The following MTOR variants were observed in gnomAD, a reference collection of about 807,000 sequenced individuals.
MTOR encodes serine/threonine-protein kinase mTOR.
Under a neutral mutation model 319.8 loss-of-function variants are expected in MTOR, and 70 were observed. The observed-to-expected ratio is 0.22, with a 90% CI of 0.18 to 0.27. MTOR has a LOEUF of 0.27. Ranked by LOEUF, MTOR falls within the 10% of genes least tolerant of loss-of-function variation. The probability of loss-of-function intolerance (pLI) is 1.00; values close to 1 mark genes in which losing one functional copy is unlikely to be tolerated. For synonymous variants in MTOR, 1,183 were observed against 1,211.4 expected (o/e 0.98, Z 0.49); for missense variants, 1,890 against 3,274.4 (o/e 0.58, Z 10.32).
rs1381330438 is a variant in MTOR at position 11,238,061 on chromosome 1, T to C, written c.2003-13A>G. ...CGAATGTCAGGGTCTGCAAGAGCAA[T>C]GGAGCCTTTGAACATTTCCTCATGA... On this transcript the variant is annotated splice_polypyrimidine_tract_variant and intron_variant, in intron 12 of 57. Coordinates refer to ENST00000361445, the MANE Select transcript of MTOR (RefSeq NM_004958.4). 1 of 1,613,660 alleles carries C rather than the reference T, an allele frequency of 6.2e-7. No homozygotes were observed. The highest frequency in any genetic ancestry group is 8.5e-7 in the Non-Finnish European group (1 of 1,179,754).
chr1:11,237,914 A>G lies in MTOR; in HGVS notation c.2137T>C (p.Cys713Arg), dbSNP rs777205969. Residue 713 changes from cysteine (C) to arginine (R), a missense_variant, in exon 13 of 58, where the codon TGC becomes CGC. This residue lies in a region of MTOR where 377 missense variants were observed against 653.9 expected (regional missense o/e 0.58). Transcript: ENST00000361445. ...QVFEIRELAI[C>R]TVGRLSSMNP... ...ATGCTACTGAGTCGGCCCACAGTGC[A>G]GATGGCCAGCTCCCGGATCTCAAAC... 6.2e-7 allele frequency: 1 copy of G among 1,614,198 alleles called. No homozygotes were observed. Among genetic ancestry groups the G allele is most frequent in the East Asian group, 2.2e-5 (1 of 44,876 alleles).
rs1233634233 is a variant in MTOR at position 11,106,590 on chromosome 1, G to A, written c.*895C>T. On this transcript the variant is annotated 3_prime_UTR_variant, in exon 58 of 58. Coordinates refer to ENST00000361445, the MANE Select transcript of MTOR (RefSeq NM_004958.4). ...CACAAAAATTATTCTGATACAACATGGTGTCTAGACATGGCTACACTTTAT... is the reference window on the plus strand; with the variant it reads ...CACAAAAATTATTCTGATACAACATAGTGTCTAGACATGGCTACACTTTAT... 6.5e-6 allele frequency: 7 copies of A among 1,072,414 alleles called. No individual in the cohort carries two copies. Among genetic ancestry groups the A allele is most frequent in the Non-Finnish European group, 7.9e-6 (7 of 883,190 alleles). 66.4% of individuals were successfully genotyped at this position (1,072,414 alleles called of 1,614,324 possible).
Position 11,212,580 on chromosome 1 carries a change from G to T in MTOR, c.3399-106C>A. The T allele has an allele frequency of 1.5e-6, 2 of 1,354,328 alleles. No homozygotes were observed. Among genetic ancestry groups the T allele is most frequent in the Non-Finnish European group, 2.0e-6 (2 of 988,118 alleles). 83.9% of individuals were successfully genotyped at this position (1,354,328 alleles called of 1,614,324 possible). On this transcript the variant is annotated intron_variant, in intron 22 of 57. Transcript: ENST00000361445. The surrounding 1 kb of genome is among the most constrained non-coding windows in gnomAD (Gnocchi z 4.1). ...CAGCACCAAAGGGATGGGAATGAAC[G>T]GCTTCTAAGGTATTTTGGATGACAT...
rs1294999424 is a variant in MTOR at position 11,121,031 on chromosome 1, T to G, written c.6933+215A>C. On this transcript the variant is annotated intron_variant, in intron 49 of 57. Transcript: ENST00000361445. The surrounding 1 kb of genome is among the most constrained non-coding windows in gnomAD (Gnocchi z 4.9). ...GACAACTATCTTTAATTCTTTAATA[T>G]ATAAAGAGTTCTGGAGGAAATATTA... 6.6e-6 allele frequency among the ~76,000 whole-genome samples: 1 copy of G among 152,222 alleles called. No individual in the cohort carries two copies. Among genetic ancestry groups the G allele is most frequent in the Admixed American group, 6.5e-5 (1 of 15,282 alleles).
At chr1:11,241,518 C>G (rs544547899) in intron 10 of MTOR, 35 bp downstream of exon 10, 7 of 1,588,332 alleles carry the variant, frequency 4.4e-6, no homozygotes, top group East Asian at 2.2e-5. Context: ...AAGCCTCACG[C>G]TGATACAGGG....
intron 28 of MTOR, among the ~76,000 whole-genome samples, chr1:11,172,596 C>T (rs1007663837): frequency 7.4e-5 from 11 of 148,294 alleles, no homozygotes; most frequent in Non-Finnish European, 1.3e-4. Context: ...TTGGGCCAGG[C>T]GCGGTGGCTC....
At chr1:11,227,676 TG>T (rs1228203100) in intron 19 of MTOR, among the ~76,000 whole-genome samples, 2 of 146,654 alleles carry the variant, frequency 1.4e-5, no homozygotes, top group African/African-American at 2.5e-5. Context: ...GAGTGAGAGG[TG>T]GGGGAGGGGA....
chr1:11,241,163 T>C (rs192948442), intron 10 of MTOR, among the ~76,000 whole-genome samples: 14 of 151,288 alleles, frequency 9.3e-5, no homozygotes, highest in Admixed American at 2.6e-4. Context: ...CTACTAAAAA[T>C]ACAAAGAATT....
At chr1:11,122,429 T>G (rs1642583159) in intron 47 of MTOR, among the ~76,000 whole-genome samples, 1 of 151,650 alleles carries the variant, frequency 6.6e-6, no homozygotes, top group Non-Finnish European at 1.5e-5. Flanking sequence ...TCTCAATCTC[T>G]TGACCTCATG....
intron 46 of MTOR, 101 bp downstream of exon 46, chr1:11,126,521 G>A: frequency 7.7e-7 from 1 of 1,302,556 alleles, no homozygotes; most frequent in East Asian, 2.4e-5. Context: ...GCTATGATAG[G>A]TGAGTAGTGG....
At chr1:11,257,555 T>A in intron 3 of MTOR, among the ~76,000 whole-genome samples, 1 of 99,034 alleles carries the variant, frequency 1.0e-5, no homozygotes. Flanking sequence ...AGAGTGAGAC[T>A]CTGTCTCAGA....
At chr1:11,112,427 T>C (rs1489284965) in intron 54 of MTOR, among the ~76,000 whole-genome samples, 1 of 152,330 alleles carries the variant, frequency 6.6e-6, no homozygotes, top group Middle Eastern at 3.4e-3. Flanking sequence ...ATAAAAAACA[T>C]ATTAGCTGCT....
intron 25 of MTOR, among the ~76,000 whole-genome samples, chr1:11,205,442 A>C (rs1272867243): frequency 6.6e-6 from 1 of 152,194 alleles, no homozygotes; most frequent in African/African-American, 2.4e-5. Context: ...TAGTTTCCTC[A>C]TCTGTAAAAT....
chr1:11,170,619 C>G (rs1644782429), intron 28 of MTOR, among the ~76,000 whole-genome samples: 1 of 151,136 alleles, frequency 6.6e-6, no homozygotes, highest in African/African-American at 2.4e-5. Context: ...TGATATGGTC[C>G]CTGTATTATT....
intron 26 of MTOR, among the ~76,000 whole-genome samples, chr1:11,202,950 C>T (rs549748661): frequency 5.9e-5 from 9 of 151,314 alleles, no homozygotes; most frequent in Non-Finnish European, 1.2e-4. Flanking sequence ...TGGTGGCTCA[C>T]GCCTGTAATC....
rs116663001 is a variant in MTOR, at chr1:11,199,822, T to C, written c.3945-119A>G. The stretch of plus-strand genomic sequence containing the variant: ...ATTTTGGTTATACAAACCAGTGCTA[T>C]ACAGACCAGTGCTGTCCAAGAGAAT... On this transcript the variant is annotated intron_variant, in intron 26 of 57. Transcript: ENST00000361445. This position sits in a 1 kb window ranked among gnomAD's most constrained non-coding sequence, Gnocchi z 4.5. The C allele has an allele frequency of 1.6e-3, 1,486 of 957,138 alleles. 10 individuals carry two copies. In the African/African-American group the frequency reaches 0.02, roughly 13 times the overall value. 59.3% of individuals were successfully genotyped at this position (957,138 alleles called of 1,614,324 possible).
intron 36 of MTOR, among the ~76,000 whole-genome samples, chr1:11,137,800 TC>T (rs770219493): frequency 1.7e-4 from 26 of 152,208 alleles, no homozygotes; most frequent in Non-Finnish European, 1.2e-4. Context: ...CCTGATGCCT[TC>T]CAGGATAACA....
intron 8 of MTOR, among the ~76,000 whole-genome samples, chr1:11,244,375 G>A (rs1256561299): frequency 2.6e-5 from 4 of 151,486 alleles, no homozygotes; most frequent in Non-Finnish European, 5.9e-5. Flanking sequence ...GCTCACGCCT[G>A]TAATCCCAAC....
chr1:11,214,034 T>G (rs1646394066), intron 20 of MTOR, among the ~76,000 whole-genome samples: 1 of 152,234 alleles, frequency 6.6e-6, no homozygotes, highest in Non-Finnish European at 1.5e-5. Context: ...ATCCTATCTC[T>G]GTATCCCCAG....
Sources: allele counts gnomAD v4.1 joint callset (sites outside exome capture counted in the v4.1 genomes callset), GRCh38; gene constraint gnomAD v4.1.1; regional missense constraint gnomAD v4.1.1; non-coding constraint Gnocchi (gnomAD v3.1); transcripts MANE v1.5; gene names NCBI Gene and HGNC (gene_info 2026-07-23, HGNC 2026-07-21).